ULK4: variants seen among roughly 807,000 people sequenced by gnomAD.
The protein encoded by ULK4 is unc-51 like kinase 4.
ULK4 carries 133 observed loss-of-function variants against 160.6 expected under a neutral mutation model. The observed-to-expected ratio is 0.83, with a 90% CI of 0.72 to 0.96. The LOEUF is 0.96. Among genes scored for constraint, ULK4 ranks in the 40% least tolerant of loss-of-function variants. The probability of loss-of-function intolerance (pLI) is 0.00; values close to 1 mark genes in which losing one functional copy is unlikely to be tolerated. For missense variants in ULK4, 1,580 were observed against 1,499.5 expected, an observed-to-expected ratio of 1.05 and a Z score of -0.89; for synonymous variants, 534 against 539.8, an observed-to-expected ratio of 0.99 and a Z score of 0.15.
intron 35 of ULK4, among the ~76,000 whole-genome samples, chr3:41,285,289 G>T (rs2079435721): frequency 6.6e-6 from 1 of 152,114 alleles, no homozygotes; most frequent in African/African-American, 2.4e-5. Flanking sequence ...ACTTGCACAC[G>T]CATGTTTATA....
In ULK4 at chr3:41,441,556, T is replaced by A. The variant is rs1575223116; in HGVS notation, c.3492+13941A>T. Among the ~76,000 whole-genome samples the A allele has an allele frequency of 2.0e-5, 3 of 152,270 alleles. No individual in the cohort carries two copies. In the East Asian group the frequency reaches 5.8e-4, roughly 29 times the overall value. ...TATAATATTTACATATGTATAAATT[T>A]ATGTATACTTTATATGACTTGAATA... On this transcript the variant is annotated intron_variant, in intron 34 of 36. Transcript: ENST00000301831.
intron 35 of ULK4, among the ~76,000 whole-genome samples, chr3:41,303,322 T>G (rs1445398374): frequency 6.6e-6 from 1 of 152,192 alleles, no homozygotes; most frequent in Admixed American, 6.5e-5. Flanking sequence ...GAAGTAAAAC[T>G]CCAGGGAGGC....
At position 41,789,799 on chromosome 3, in the gene ULK4, A is replaced by T. The variant is rs1288530670; in HGVS notation, c.2055T>A (p.Asn685Lys). ...ITRHSPTAFQ[N>K]VIEKVGLNSV... Reference sequence around the variant, plus strand: ...AGTTCAGTCCCACCTTTTCAATAACATTCTGGAAGGCAGTAGGAGAATGGC... The same window carrying T: ...AGTTCAGTCCCACCTTTTCAATAACTTTCTGGAAGGCAGTAGGAGAATGGC... The change falls in exon 21 of 37, where the codon AAT becomes AAA. Residue 685 changes from asparagine (N) to lysine (K), a missense_variant. Asn to Lys is a moderately conservative substitution (Grantham distance 94, BLOSUM62 0). Transcript: ENST00000301831. 47 of 1,613,292 alleles carry T rather than the reference A, an allele frequency of 2.9e-5. No homozygotes were observed. The East Asian group carries it at 9.8e-4, about 34-fold the overall frequency.
chr3:41,613,960 G>C (rs2032832093), intron 31 of ULK4, among the ~76,000 whole-genome samples: 1 of 152,164 alleles, frequency 6.6e-6, no homozygotes, highest in Non-Finnish European at 1.5e-5. Flanking sequence ...CCCTATGACA[G>C]CTATACCACA....
intron 32 of ULK4, among the ~76,000 whole-genome samples, chr3:41,559,030 C>A (rs570255885): frequency 7.1e-6 from 1 of 141,122 alleles, no homozygotes; most frequent in South Asian, 2.4e-4. Context: ...TCCCCCCTAC[C>A]CCCACCCCAC....
chr3:41,472,490 G>A (rs147501522), intron 32 of ULK4, among the ~76,000 whole-genome samples: 4,737 of 151,518 alleles, frequency 0.031, 235 homozygotes, highest in African/African-American at 0.11. Flanking sequence ...AATCACTTGA[G>A]CCCAGGAGGT....
chr3:41,755,555 C>T (rs2038771030), intron 21 of ULK4, among the ~76,000 whole-genome samples: 1 of 152,074 alleles, frequency 6.6e-6, no homozygotes, highest in Non-Finnish European at 1.5e-5. Context: ...TCCATCTCCC[C>T]AGAGTCCATT....
intron 21 of ULK4, among the ~76,000 whole-genome samples, chr3:41,784,689 T>C (rs1175495185): frequency 6.6e-6 from 1 of 152,180 alleles, no homozygotes; most frequent in Non-Finnish European, 1.5e-5. Flanking sequence ...CTCATCCAAA[T>C]AGCTGCTGAA....
intron 32 of ULK4, among the ~76,000 whole-genome samples, chr3:41,485,321 T>C (rs2084486027): frequency 1.3e-5 from 2 of 152,134 alleles, no homozygotes; most frequent in Admixed American, 6.5e-5. Flanking sequence ...CACCCAGGTA[T>C]GTTTAAAAAG....
chr3:41,582,017 G>C (rs920724608), intron 31 of ULK4, among the ~76,000 whole-genome samples: 1 of 152,186 alleles, frequency 6.6e-6, no homozygotes, highest in Non-Finnish European at 1.5e-5. Context: ...CTTGGTGATA[G>C]GATTTAGCTG....
intron 5 of ULK4, among the ~76,000 whole-genome samples, chr3:41,924,309 A>G (rs922405852): frequency 5.9e-5 from 9 of 152,020 alleles, no homozygotes; most frequent in Admixed American, 2.6e-4. Flanking sequence ...GTGGTTTTAC[A>G]CTCTATTTTT....
intron 29 of ULK4, among the ~76,000 whole-genome samples, chr3:41,668,682 T>C (rs1185860077): frequency 1.3e-5 from 2 of 152,154 alleles, no homozygotes; most frequent in Non-Finnish European, 2.9e-5. Context: ...AGGTAACACC[T>C]AGAACTGGAC....
chr3:41,648,476 C>G (rs1043199916), intron 30 of ULK4, among the ~76,000 whole-genome samples: 3 of 152,136 alleles, frequency 2.0e-5, no homozygotes, highest in Non-Finnish European at 4.4e-5. Flanking sequence ...TATAAATATT[C>G]TAAAAATAGC....
At chr3:41,508,238 G>C (rs1470249873) in intron 32 of ULK4, among the ~76,000 whole-genome samples, 1 of 152,078 alleles carries the variant, frequency 6.6e-6, no homozygotes, top group Non-Finnish European at 1.5e-5. Flanking sequence ...TAACTTCACT[G>C]GACTGGGAAC....
At chr3:41,953,076 A>G (rs999953881) in intron 2 of ULK4, among the ~76,000 whole-genome samples, 4 of 151,952 alleles carry the variant, frequency 2.6e-5, no homozygotes, top group African/African-American at 9.7e-5. Context: ...ATGGGTACAG[A>G]GCTTCAGTTT....
At chr3:41,858,189 C>T (rs1575839126) in intron 17 of ULK4, among the ~76,000 whole-genome samples, 1 of 109,662 alleles carries the variant, frequency 9.1e-6, no homozygotes, top group South Asian at 3.1e-4. Context: ...CTCACTTTGT[C>T]GCCCAGGCTG....
rs538219044 is a variant in ULK4 at position 41,575,933 on chromosome 3, A to T, written c.3121-9803T>A. Among the ~76,000 whole-genome samples the T allele has an allele frequency of 2.6e-5, 4 of 152,348 alleles. No homozygotes were observed. In the South Asian group the frequency reaches 8.3e-4, roughly 32 times the overall value. On this transcript the variant is annotated intron_variant, in intron 31 of 36. Transcript: ENST00000301831. ...GGCAGAAGCAGTGGGCCAGAGCCAA[A>T]GCTGCTCAGACAGGAGGACCCTGGC...
intron 20 of ULK4, among the ~76,000 whole-genome samples, chr3:41,799,770 G>A (rs2040401935): frequency 6.6e-6 from 1 of 152,116 alleles, no homozygotes; most frequent in African/African-American, 2.4e-5. Flanking sequence ...GGCTGACGCA[G>A]TAGAATTACT....
intron 32 of ULK4, among the ~76,000 whole-genome samples, chr3:41,473,307 TCAA>T (rs1238438601): frequency 2.6e-5 from 4 of 152,052 alleles, no homozygotes; most frequent in Non-Finnish European, 5.9e-5. Context: ...TTGCTGTTTG[TCAA>T]CAATATGATC....
Sources: allele counts gnomAD v4.1 joint callset (sites outside exome capture counted in the v4.1 genomes callset), GRCh38; gene constraint gnomAD v4.1.1; transcripts MANE v1.5; gene names NCBI Gene and HGNC (gene_info 2026-07-23, HGNC 2026-07-21).